Variants in FER1L6 observed in about 807,000 individuals in gnomAD.
FER1L6 encodes fer-1 like family member 6, also known as fer-1-like protein 6.
A neutral mutation model predicts 219.2 loss-of-function variants in FER1L6; 177 were observed. The ratio of observed to expected loss-of-function variants is 0.81; its 90% CI spans 0.71 to 0.91. The LOEUF (loss-of-function observed/expected upper bound fraction) is 0.91, where lower values mean the gene tolerates loss of function less well. Among genes scored for constraint, FER1L6 ranks in the 40% least tolerant of loss-of-function variants. The pLI is 0.00. For missense variants in FER1L6, 2,153 were observed against 2,259.9 expected (o/e 0.95, Z 0.96); for synonymous variants, 768 against 824.3 (o/e 0.93, Z 1.17).
chr8:123,898,300 C>A (rs753057713), intron 1 of FER1L6, among the ~76,000 whole-genome samples: 16 of 151,742 alleles, frequency 1.1e-4, no homozygotes, highest in Non-Finnish European at 2.4e-4. Flanking sequence ...TTAATGTTTT[C>A]CCATAAGTTA....
In FER1L6 at chr8:124,111,710, C is replaced by A. The variant is rs543330367; in HGVS notation, c.5290-7134C>A. On this transcript the variant is annotated intron_variant, in intron 39 of 40. Coordinates refer to ENST00000522917, the MANE Select transcript of FER1L6 (RefSeq NM_001039112.2). This position sits in a 1 kb window ranked among gnomAD's most constrained non-coding sequence, Gnocchi z 5.0. ...ATTTGTAAACTATCATGGCACTCGC[C>A]GGTGGGAGTGTAGCAGTGAGGATGA... Among the ~76,000 whole-genome samples, 9 of 152,220 alleles carry A rather than the reference C, an allele frequency of 5.9e-5. No individual in the cohort carries two copies. The highest frequency in any genetic ancestry group is 8.8e-5 in the Non-Finnish European group (6 of 67,998).
intron 31 of FER1L6, among the ~76,000 whole-genome samples, chr8:124,074,252 G>T (rs576957057): frequency 2.0e-5 from 3 of 152,278 alleles, no homozygotes; most frequent in Non-Finnish European, 4.4e-5. Context: ...GAGTCATAGG[G>T]TCATGGATTC....
At chr8:124,075,038 A>C (rs1431225699) in intron 31 of FER1L6, among the ~76,000 whole-genome samples, 2 of 152,200 alleles carry the variant, frequency 1.3e-5, no homozygotes, top group African/African-American at 4.8e-5. Context: ...AGTGAATGTG[A>C]AGGCCTAGGA....
At chr8:124,105,572 G>A (rs1335456962) in intron 39 of FER1L6, among the ~76,000 whole-genome samples, 2 of 152,188 alleles carry the variant, frequency 1.3e-5, no homozygotes, top group African/African-American at 4.8e-5. Context: ...CAGAGAGGAG[G>A]CTCTTTGGAG....
Position 124,017,770 on chromosome 8 carries a change from C to T in FER1L6, c.2013+52C>T, listed in dbSNP as rs183018374. Reference sequence around the variant, plus strand: ...TGGACAGAGTTAAAAATAAACCTCACGGATGAGGCATAGGTCACAGACCAA... The same window carrying T: ...TGGACAGAGTTAAAAATAAACCTCATGGATGAGGCATAGGTCACAGACCAA... On this transcript the variant is annotated intron_variant, in intron 16 of 40. Coordinates refer to ENST00000522917, the MANE Select transcript of FER1L6 (RefSeq NM_001039112.2). 4.5e-5 allele frequency: 65 copies of T among 1,458,054 alleles called. No individual in the cohort carries two copies. The South Asian group carries it at 5.5e-4, about 12-fold the overall frequency. 90.3% of individuals were successfully genotyped at this position (1,458,054 alleles called of 1,614,324 possible).
intron 12 of FER1L6, among the ~76,000 whole-genome samples, chr8:123,991,917 G>T (rs914962632): frequency 4.0e-5 from 6 of 151,894 alleles, no homozygotes; most frequent in Non-Finnish European, 8.8e-5. Flanking sequence ...ATCATAAAAT[G>T]ATGCTGTATT....
At chr8:123,937,302 C>G (rs1814045710) in intron 1 of FER1L6, among the ~76,000 whole-genome samples, 1 of 152,198 alleles carries the variant, frequency 6.6e-6, no homozygotes, top group African/African-American at 2.4e-5. Context: ...TTCCATTCAT[C>G]AAGAAAGGCC....
intron 22 of FER1L6, among the ~76,000 whole-genome samples, chr8:124,055,260 G>A (rs769296161): frequency 5.9e-5 from 9 of 152,076 alleles, no homozygotes; most frequent in South Asian, 2.1e-4. Context: ...GCGATATGGC[G>A]AGACCACATC....
chr8:123,901,384 A>G (rs1230794119), intron 1 of FER1L6, among the ~76,000 whole-genome samples: 1 of 151,458 alleles, frequency 6.6e-6, no homozygotes, highest in Non-Finnish European at 1.5e-5. Flanking sequence ...TGTTATTTGG[A>G]TTTTCTGATT....
Position 123,852,985 on chromosome 8 carries a change from CTA to C in FER1L6, c.-8+802_-8+803del, listed in dbSNP as rs773149604. 1.8e-4 allele frequency among the ~76,000 whole-genome samples: 27 copies of C among 152,078 alleles called. No individual in the cohort carries two copies. Among genetic ancestry groups the C allele is most frequent in the Non-Finnish European group, 2.6e-4 (18 of 68,020 alleles). ...TTAGATATAGATGTATTCTATGTGT[CTA>C]TTTAGCTACCTATCAGATCAATTTT... On this transcript the variant is annotated intron_variant, in intron 1 of 40. Coordinates refer to ENST00000522917, the MANE Select transcript of FER1L6 (RefSeq NM_001039112.2). This position sits in a 1 kb window ranked among gnomAD's most constrained non-coding sequence, Gnocchi z 4.9.
chr8:123,992,001 A>G (rs911424681), intron 12 of FER1L6, among the ~76,000 whole-genome samples: 1 of 151,996 alleles, frequency 6.6e-6, no homozygotes, highest in South Asian at 2.1e-4. Flanking sequence ...TGTATCACTT[A>G]TATTGACTTT....
chr8:123,915,164 C>T (rs1813148071), intron 1 of FER1L6, among the ~76,000 whole-genome samples: 1 of 151,916 alleles, frequency 6.6e-6, no homozygotes. Context: ...GCTTCAAAGA[C>T]TCTTATCTCA....
intron 1 of FER1L6, among the ~76,000 whole-genome samples, chr8:123,879,594 G>A (rs1403945497): frequency 6.6e-6 from 1 of 152,002 alleles, no homozygotes; most frequent in Non-Finnish European, 1.5e-5. Flanking sequence ...CAAAGTGCTG[G>A]GATTACAGGC....
rs1055934157 is a variant in FER1L6 at position 124,008,311 on chromosome 8, T to C, written c.1701-2283T>C. ...TGGCTGAGTAGTATCCCATCATATA[T>C]ACGCACACACACCACAGTTTCTTTA... On this transcript the variant is annotated intron_variant, in intron 13 of 40. Transcript: ENST00000522917. Among the ~76,000 whole-genome samples, 4 of 152,352 alleles carry C rather than the reference T, an allele frequency of 2.6e-5. 1 individual carries two copies. In the South Asian group the frequency reaches 8.3e-4, roughly 32 times the overall value.
chr8:123,956,040 G>A lies in FER1L6; in HGVS notation c.42G>A (p.Glu14=). 1 of 1,612,456 alleles carries A rather than the reference G, an allele frequency of 6.2e-7. No homozygotes were observed. Among genetic ancestry groups the A allele is most frequent in the Non-Finnish European group, 8.5e-7 (1 of 1,179,520 alleles). ...LKVKKKRNKA[E]KGLILANKAA... is the part of the protein sequence containing the mutation. Reference sequence around the variant, plus strand: ...TGAAGAAGAAGAGAAATAAGGCAGAGAAGGGGTTAATCCTAGCCAACAAGG... The same window carrying A: ...TGAAGAAGAAGAGAAATAAGGCAGAAAAGGGGTTAATCCTAGCCAACAAGG... The change falls in exon 2 of 41, where the codon GAG becomes GAA. Residue 14 remains glutamate (E), a synonymous_variant. Coordinates refer to ENST00000522917, the MANE Select transcript of FER1L6 (RefSeq NM_001039112.2).
At chr8:123,965,330 C>T (rs1284146409) in intron 3 of FER1L6, among the ~76,000 whole-genome samples, 2 of 152,146 alleles carry the variant, frequency 1.3e-5, no homozygotes, top group African/African-American at 2.4e-5. Context: ...GGATAAAATG[C>T]AACAGGAACT....
intron 1 of FER1L6, among the ~76,000 whole-genome samples, chr8:123,944,525 A>C (rs544778380): frequency 5.4e-4 from 82 of 151,702 alleles, no homozygotes; most frequent in African/African-American, 2.0e-3. Context: ...AATAGTAACT[A>C]TTTTCTTTCA....
intron 33 of FER1L6, among the ~76,000 whole-genome samples, chr8:124,087,904 C>T (rs1563792593): frequency 6.6e-6 from 1 of 152,154 alleles, no homozygotes; most frequent in Non-Finnish European, 1.5e-5. Flanking sequence ...GGCAGAGACT[C>T]TTTTTCTCCT....
chr8:123,855,812 ATATC>A (rs1028439690), intron 1 of FER1L6, among the ~76,000 whole-genome samples: 1 of 145,626 alleles, frequency 6.9e-6, no homozygotes, highest in Non-Finnish European at 1.5e-5. Flanking sequence ...ATGTGTATAT[ATATC>A]AGCACAGTAG....
Sources: allele counts gnomAD v4.1 joint callset (sites outside exome capture counted in the v4.1 genomes callset), GRCh38; gene constraint gnomAD v4.1.1; non-coding constraint Gnocchi (gnomAD v3.1); transcripts MANE v1.5; gene names NCBI Gene and HGNC (gene_info 2026-07-23, HGNC 2026-07-21).